Variants in PKHD1 observed in about 807,000 individuals in gnomAD.
The protein encoded by PKHD1 is PKHD1 ciliary IPT domain containing fibrocystin/polyductin.
PKHD1 carries 291 observed loss-of-function variants against 412.0 expected under a neutral mutation model. That is an observed-to-expected ratio of 0.71 (90% CI 0.64 to 0.78). The LOEUF (loss-of-function observed/expected upper bound fraction) is 0.78, where lower values mean the gene tolerates loss of function less well. Among genes scored for constraint, PKHD1 ranks in the 30% least tolerant of loss-of-function variants. The pLI is 0.00. For missense variants in PKHD1, 4,825 were observed against 4,950.7 expected (o/e 0.97, Z 0.76); for synonymous variants, 1,777 against 1,821.5 (o/e 0.98, Z 0.62).
intron 60 of PKHD1, among the ~76,000 whole-genome samples, chr6:51,697,648 A>G (rs1778958728): frequency 6.6e-6 from 1 of 152,226 alleles, no homozygotes; most frequent in Non-Finnish European, 1.5e-5. Flanking sequence ...ATGTCCCCGA[A>G]GGGCAAAATC....
At chr6:51,727,157 A>G (rs1299130848) in intron 60 of PKHD1, among the ~76,000 whole-genome samples, 1 of 152,196 alleles carries the variant, frequency 6.6e-6, no homozygotes, top group African/African-American at 2.4e-5. Flanking sequence ...TGAGCAGCTT[A>G]GCAGCTGAGC....
At chr6:52,022,675 C>A (rs1581791296) in intron 33 of PKHD1, 126 bp downstream of exon 33, 1 of 932,596 alleles carries the variant, frequency 1.1e-6, no homozygotes, top group East Asian at 2.6e-5. Flanking sequence ...TAGAGAAATT[C>A]TTTTCCTAGG....
At chr6:51,720,520 C>G (rs1781776294) in intron 60 of PKHD1, among the ~76,000 whole-genome samples, 1 of 152,122 alleles carries the variant, frequency 6.6e-6, no homozygotes, top group African/African-American at 2.4e-5. Context: ...AAGCGTTTCC[C>G]TCCATGCTTT....
chr6:51,864,505 T>C (rs1021576974), intron 48 of PKHD1, among the ~76,000 whole-genome samples: 10 of 152,184 alleles, frequency 6.6e-5, no homozygotes, highest in South Asian at 6.2e-4. Context: ...ATTGAGCTGA[T>C]AGGTGATTAG....
At chr6:51,634,244 C>T (rs190724695) in intron 64 of PKHD1, among the ~76,000 whole-genome samples, 1 of 152,234 alleles carries the variant, frequency 6.6e-6, no homozygotes, top group Admixed American at 6.5e-5. Flanking sequence ...TGGGCTGAAC[C>T]TGACAATTTT....
At chr6:51,914,090 C>T (rs1014295190) in intron 37 of PKHD1, among the ~76,000 whole-genome samples, 2 of 151,946 alleles carry the variant, frequency 1.3e-5, no homozygotes, top group African/African-American at 4.8e-5. Context: ...AGACAAAATG[C>T]CGTCAGACTC....
chr6:51,742,685 C>G (rs924002343), intron 60 of PKHD1, among the ~76,000 whole-genome samples: 1 of 152,000 alleles, frequency 6.6e-6, no homozygotes, highest in Non-Finnish European at 1.5e-5. Context: ...CCCAAATACA[C>G]ATCAGTGAAC....
intron 55 of PKHD1, among the ~76,000 whole-genome samples, chr6:51,766,484 TC>T (rs1453398950): frequency 6.6e-6 from 1 of 152,136 alleles, no homozygotes; most frequent in African/African-American, 2.4e-5. Flanking sequence ...AAAATGGTAT[TC>T]CATTACTGTT....
At chr6:51,775,286 A>G (rs1400034956) in intron 54 of PKHD1, among the ~76,000 whole-genome samples, 3 of 151,842 alleles carry the variant, frequency 2.0e-5, no homozygotes, top group Non-Finnish European at 4.4e-5. Flanking sequence ...AATCTGATGA[A>G]CATTCTCTTA....
At chr6:51,972,203 T>A (rs1793772759) in intron 35 of PKHD1, among the ~76,000 whole-genome samples, 1 of 152,218 alleles carries the variant, frequency 6.6e-6, no homozygotes, top group Non-Finnish European at 1.5e-5. Flanking sequence ...GCAACAAGTT[T>A]CAGGGAAAAA....
At chr6:51,803,548 G>A (rs1252575078) in intron 52 of PKHD1, among the ~76,000 whole-genome samples, 1 of 150,690 alleles carries the variant, frequency 6.6e-6, no homozygotes, top group Non-Finnish European at 1.5e-5. Flanking sequence ...GACCCCAGGA[G>A]AAAAATGATA....
intron 3 of PKHD1, 122 bp downstream of exon 3, chr6:52,083,056 C>T (rs1812272412): frequency 2.7e-6 from 2 of 746,722 alleles, no homozygotes; most frequent in Non-Finnish European, 4.8e-6. Context: ...TCAGTCTGTT[C>T]GTCTCCCTTC....
chr6:51,851,866 G>A (rs188952141), intron 49 of PKHD1, among the ~76,000 whole-genome samples: 24 of 151,954 alleles, frequency 1.6e-4, no homozygotes, highest in African/African-American at 5.3e-4. Context: ...TCCTGGATTC[G>A]TTGATTTTTT....
At chr6:51,909,222 T>G in intron 40 of PKHD1, 61 bp downstream of exon 40, 4 of 1,172,496 alleles carry the variant, frequency 3.4e-6, no homozygotes, top group Non-Finnish European at 3.9e-6. Flanking sequence ...CCACCATGCA[T>G]GTAGTGCCTT....
At chr6:51,740,580 T>C (rs1216208157) in intron 60 of PKHD1, among the ~76,000 whole-genome samples, 2 of 152,250 alleles carry the variant, frequency 1.3e-5, no homozygotes, top group African/African-American at 2.4e-5. Flanking sequence ...CTGAAGATGA[T>C]AATAGATTCT....
Position 52,033,123 on chromosome 6 carries a change from C to A in PKHD1, c.3271G>T (p.Asp1091Tyr), listed in dbSNP as rs1803325086. ...GCTCTGGGAAGAACTGCAGAATAGTCCCCTCTGATCACAGTCACATTCACA... is the reference window on the plus strand; with the variant it reads ...GCTCTGGGAAGAACTGCAGAATAGTACCCTCTGATCACAGTCACATTCACA... ...RIVNVTVIRG[D>Y]YSAVLPRAFT... The change falls in exon 29 of 67, where the codon GAC becomes TAC. Residue 1091 changes from aspartate to tyrosine, a missense_variant. Physicochemically the swap from Asp to Tyr is radical, Grantham distance 160. Transcript: ENST00000371117. 1 of 1,611,564 alleles carries A rather than the reference C, an allele frequency of 6.2e-7. No homozygotes were observed. Among genetic ancestry groups the A allele is most frequent in the East Asian group, 2.2e-5 (1 of 44,848 alleles).
intron 48 of PKHD1, among the ~76,000 whole-genome samples, chr6:51,859,525 C>A (rs866715151): frequency 1.9e-3 from 222 of 114,574 alleles, no homozygotes; most frequent in Non-Finnish European, 2.2e-3. Flanking sequence ...GATTCCGTCC[C>A]AAAAAAAAAA....
chr6:51,953,597 A>C (rs1285573863), intron 36 of PKHD1, among the ~76,000 whole-genome samples: 1 of 152,034 alleles, frequency 6.6e-6, no homozygotes, highest in African/African-American at 2.4e-5. Context: ...TGGGATTAAA[A>C]AAAAAAAAGG....
intron 60 of PKHD1, among the ~76,000 whole-genome samples, chr6:51,702,253 C>T (rs890367042): frequency 2.7e-5 from 3 of 110,776 alleles, no homozygotes; most frequent in African/African-American, 9.5e-5. Context: ...CTCAGCCATA[C>T]AAAGGAATAA....
Sources: gnomAD v4.1 joint callset for allele counts (sites outside exome capture counted in the v4.1 genomes callset) on GRCh38, gnomAD v4.1.1 for gene constraint, MANE v1.5 for transcripts, NCBI Gene and HGNC (gene_info 2026-07-23, HGNC 2026-07-21) for gene names.